Variants in KCNH7 observed in about 807,000 individuals in gnomAD.
KCNH7 encodes the protein voltage-gated inwardly rectifying potassium channel KCNH7.
Under a neutral mutation model 120.8 loss-of-function variants are expected in KCNH7, and 49 were observed. That is an observed-to-expected ratio of 0.41 (90% CI 0.32 to 0.51). The LOEUF is 0.51. Ranked by LOEUF, KCNH7 falls within the 20% of genes least tolerant of loss-of-function variation. KCNH7 has a pLI of 0.38. For missense variants in KCNH7, 1,097 were observed against 1,446.6 expected (o/e 0.76, Z 3.92); for synonymous variants, 547 against 516.1 (o/e 1.06, Z -0.81).
At chr2:162,443,693 ACT>A (rs1408869720) in intron 7 of KCNH7, among the ~76,000 whole-genome samples, 1 of 152,084 alleles carries the variant, frequency 6.6e-6, no homozygotes, top group Admixed American at 6.6e-5. Flanking sequence ...TCCTAGCCTG[ACT>A]CTCCAGTCTG....
intron 6 of KCNH7, among the ~76,000 whole-genome samples, chr2:162,481,927 T>C (rs1433078673): frequency 6.6e-6 from 1 of 152,034 alleles, no homozygotes; most frequent in African/African-American, 2.4e-5. Flanking sequence ...AAACTCATTA[T>C]ACAGACACAT....
At chr2:162,766,831 C>G (rs1365330691) in intron 2 of KCNH7, among the ~76,000 whole-genome samples, 1 of 150,590 alleles carries the variant, frequency 6.6e-6, no homozygotes, top group Non-Finnish European at 1.5e-5. Context: ...AATCTGTGCT[C>G]TGTGTGTCCT....
intron 9 of KCNH7, among the ~76,000 whole-genome samples, chr2:162,408,989 T>C (rs1230501636): frequency 6.6e-6 from 1 of 151,830 alleles, no homozygotes; most frequent in Non-Finnish European, 1.5e-5. Flanking sequence ...GTATACTCAA[T>C]GCCTTCATTA....
intron 2 of KCNH7, among the ~76,000 whole-genome samples, chr2:162,827,523 T>G (rs935924335): frequency 3.2e-5 from 3 of 94,450 alleles, no homozygotes; most frequent in Non-Finnish European, 5.4e-5. Context: ...AATCTAACAC[T>G]CTGCCTGATA....
chr2:162,707,044 T>C (rs556778857), intron 2 of KCNH7, among the ~76,000 whole-genome samples: 66 of 152,138 alleles, frequency 4.3e-4, no homozygotes, highest in Non-Finnish European at 7.2e-4. Context: ...TTAACACATC[T>C]TGTGACAGTC....
chr2:162,421,776 A>G (rs1687714542), intron 9 of KCNH7, among the ~76,000 whole-genome samples: 1 of 152,192 alleles, frequency 6.6e-6, no homozygotes, highest in Non-Finnish European at 1.5e-5. Context: ...TTGTCACAAA[A>G]TAGACTTTAT....
At chr2:162,410,783 G>A (rs1248214045) in intron 9 of KCNH7, among the ~76,000 whole-genome samples, 1 of 151,930 alleles carries the variant, frequency 6.6e-6, no homozygotes, top group Non-Finnish European at 1.5e-5. Flanking sequence ...TAAAAAGTGG[G>A]CAAAGGACAT....
At chr2:162,621,735 C>A (rs956582880) in intron 2 of KCNH7, among the ~76,000 whole-genome samples, 3 of 152,020 alleles carry the variant, frequency 2.0e-5, no homozygotes, top group African/African-American at 7.2e-5. Flanking sequence ...AGAGGCTGAA[C>A]TTTTTATATA....
At chr2:162,556,058 C>T (rs929885030) in intron 2 of KCNH7, among the ~76,000 whole-genome samples, 5 of 151,842 alleles carry the variant, frequency 3.3e-5, no homozygotes, top group African/African-American at 9.7e-5. Flanking sequence ...AAACCATGTC[C>T]ATATTATATA....
chr2:162,439,603 A>G (rs955442985), intron 7 of KCNH7, among the ~76,000 whole-genome samples: 1 of 152,006 alleles, frequency 6.6e-6, no homozygotes, highest in Non-Finnish European at 1.5e-5. Context: ...TGAGATTTTT[A>G]TTTTTAATGT....
At chr2:162,811,865 C>A (rs943024007) in intron 2 of KCNH7, among the ~76,000 whole-genome samples, 6 of 152,032 alleles carry the variant, frequency 3.9e-5, no homozygotes, top group Non-Finnish European at 7.4e-5. Context: ...GTAGACTCTT[C>A]TGAACAAAGT....
chr2:162,754,180 G>A (rs76942289), intron 2 of KCNH7, among the ~76,000 whole-genome samples: 3,839 of 151,986 alleles, frequency 0.025, 151 homozygotes, highest in African/African-American at 0.086. Flanking sequence ...AATAACAAAG[G>A]GTGAATTTGA....
chr2:162,413,120 A>G (rs553880612), intron 9 of KCNH7, among the ~76,000 whole-genome samples: 1 of 152,070 alleles, frequency 6.6e-6, no homozygotes, highest in East Asian at 1.9e-4. Flanking sequence ...AAACTGCTAA[A>G]CACAAACCAT....
chr2:162,728,065 G>C (rs1199861175), intron 2 of KCNH7, among the ~76,000 whole-genome samples: 1 of 151,962 alleles, frequency 6.6e-6, no homozygotes, highest in Non-Finnish European at 1.5e-5. Flanking sequence ...TATGATATGT[G>C]AATAATTAAT....
chr2:162,806,880 C>G (rs1684556107), intron 2 of KCNH7, among the ~76,000 whole-genome samples: 1 of 151,538 alleles, frequency 6.6e-6, no homozygotes, highest in Non-Finnish European at 1.5e-5. Flanking sequence ...TAGATTAACT[C>G]AAAGTATAAC....
At position 162,741,318 on chromosome 2, in the gene KCNH7, ATAT is replaced by A. The variant is rs1248531419; in HGVS notation, c.307+95216_307+95218del. Among the ~76,000 whole-genome samples, 6 of 149,782 alleles carry A rather than the reference ATAT, an allele frequency of 4.0e-5. No individual in the cohort carries two copies. The South Asian group carries it at 1.0e-3, about 26-fold the overall frequency. ...TAATAACATATGTTATTAATTACAC[ATAT>A]TAATAACATATGTTATTAATTATAC... On this transcript the variant is annotated intron_variant, in intron 2 of 15. Coordinates refer to ENST00000332142, the MANE Select transcript of KCNH7 (RefSeq NM_033272.4).
At chr2:162,666,381 T>A (rs1043697294) in intron 2 of KCNH7, among the ~76,000 whole-genome samples, 9 of 136,548 alleles carry the variant, frequency 6.6e-5, no homozygotes, top group Non-Finnish European at 1.4e-4. Flanking sequence ...TCCCCACAAC[T>A]TCCTTCCTAA....
chr2:162,793,728 T>C (rs1464046814), intron 2 of KCNH7, among the ~76,000 whole-genome samples: 2 of 151,924 alleles, frequency 1.3e-5, no homozygotes, highest in Non-Finnish European at 2.9e-5. Context: ...GGAACAGGGA[T>C]TGGGAGGAAT....
intron 13 of KCNH7, among the ~76,000 whole-genome samples, chr2:162,381,507 T>C (rs1176114127): frequency 1.3e-5 from 2 of 152,076 alleles, no homozygotes; most frequent in South Asian, 2.1e-4. Context: ...TCTTTTAACA[T>C]TGAACATAAA....
Sources: gnomAD v4.1 joint callset for allele counts (sites outside exome capture counted in the v4.1 genomes callset) on GRCh38, gnomAD v4.1.1 for gene constraint, MANE v1.5 for transcripts, NCBI Gene and HGNC (gene_info 2026-07-23, HGNC 2026-07-21) for gene names.